ZNF469: variants seen among roughly 807,000 people sequenced by gnomAD.
ZNF469 encodes the protein zinc finger protein 469.
ZNF469 carries 1 observed loss-of-function variant against 1.0 expected under a neutral mutation model. That is an observed-to-expected ratio of 1.00 (90% CI 0.35 to 4.73). The LOEUF (loss-of-function observed/expected upper bound fraction) is 4.73. ZNF469 is among the 30% of genes most tolerant of loss of function. ZNF469 has a pLI of 0.16. For missense variants in ZNF469, 6,100 were observed against 5,356.3 expected, an observed-to-expected ratio of 1.14 and a Z score of -4.33; for synonymous variants, 2,703 against 2,363.4, an observed-to-expected ratio of 1.14 and a Z score of -4.17.
At chr16:88,204,220 G>A in the ZNF469 span, among the ~76,000 whole-genome samples, 5 of 151,640 alleles carry the variant, frequency 3.3e-5, no homozygotes, top group African/African-American at 1.2e-4. Context: ...GAAGCGGGAG[G>A]CGCCCCGTAA....
chr16:88,140,431 G>T, the ZNF469 span, among the ~76,000 whole-genome samples: 1 of 144,566 alleles, frequency 6.9e-6, no homozygotes, highest in African/African-American at 2.6e-5. Flanking sequence ...TAGCACGGAG[G>T]AAAGGAGGAC....
In ZNF469 at chr16:88,436,457, C is replaced by T; in HGVS notation, c.8987C>T (p.Ala2996Val). The T allele has an allele frequency of 6.5e-7, 1 of 1,547,316 alleles. No individual in the cohort carries two copies. Among genetic ancestry groups the T allele is most frequent in the Non-Finnish European group, 8.7e-7 (1 of 1,146,958 alleles). The change falls in exon 3 of 3, where the codon GCT becomes GTT. Residue 2996 changes from alanine (A) to valine (V), a missense_variant. By Grantham distance (64) the Ala-to-Val change is moderately conservative. Transcript: ENST00000565624. ...CCTGAGCTGCACATGGTCCCAGCGG[C>T]TTGGCGAGGCCTGGAGATGCCGGCC... ...AIPELHMVPA[A>V]WRGLEMPAPA...
At chr16:88,233,995 A>G in the ZNF469 span, among the ~76,000 whole-genome samples, 1 of 152,194 alleles carries the variant, frequency 6.6e-6, no homozygotes, top group Non-Finnish European at 1.5e-5. Flanking sequence ...TTTGCTGTTT[A>G]AGTGCTTTTT....
At chr16:88,406,441 C>T (rs1002880018) in intron 1 of ZNF469, among the ~76,000 whole-genome samples, 8 of 152,258 alleles carry the variant, frequency 5.3e-5, no homozygotes, top group African/African-American at 1.9e-4. Context: ...TCCTGTCCTC[C>T]TCCCTGCCGT....
chr16:88,187,649 G>A, the ZNF469 span, among the ~76,000 whole-genome samples: 1 of 151,616 alleles, frequency 6.6e-6, no homozygotes, highest in Non-Finnish European at 1.5e-5. Context: ...AGAAACGCTG[G>A]AAGAATCCCA....
chr16:88,160,578 C>T, the ZNF469 span, among the ~76,000 whole-genome samples: 3 of 152,148 alleles, frequency 2.0e-5, no homozygotes, highest in African/African-American at 7.2e-5. Context: ...AGCCACCAGC[C>T]CTTTCGCTTT....
At chr16:88,205,632 C>T in the ZNF469 span, among the ~76,000 whole-genome samples, 3 of 152,168 alleles carry the variant, frequency 2.0e-5, no homozygotes, top group Non-Finnish European at 2.9e-5. This position sits in a 1 kb window ranked among gnomAD's most constrained non-coding sequence, Gnocchi z 4.2. Flanking sequence ...TGGGGCTCGT[C>T]CGGCGGTAAC....
the ZNF469 span, among the ~76,000 whole-genome samples, chr16:88,214,253 G>A: frequency 3.9e-5 from 6 of 152,338 alleles, no homozygotes; most frequent in African/African-American, 1.4e-4. Context: ...ACGCCCAGGG[G>A]TTTTCCGGTG....
At chr16:88,149,535 G>A in the ZNF469 span, among the ~76,000 whole-genome samples, 9 of 152,136 alleles carry the variant, frequency 5.9e-5, no homozygotes, top group South Asian at 6.2e-4. Flanking sequence ...CCTTTGCAGC[G>A]CTGTGGCTTG....
the ZNF469 span, chr16:88,178,159 T>G: frequency 6.6e-6 from 1 of 152,210 alleles, no homozygotes; most frequent in African/African-American, 2.4e-5. Flanking sequence ...GGCCATGGCC[T>G]GCCTGCTGTC....
At chr16:88,111,802 A>G in the ZNF469 span, among the ~76,000 whole-genome samples, 1 of 151,740 alleles carries the variant, frequency 6.6e-6, no homozygotes, top group African/African-American at 2.4e-5. Flanking sequence ...ACACCCAGCT[A>G]ATTTCTGTAT....
the ZNF469 span, among the ~76,000 whole-genome samples, chr16:88,303,678 T>A: frequency 6.6e-6 from 1 of 152,198 alleles, no homozygotes; most frequent in Non-Finnish European, 1.5e-5. Flanking sequence ...CTTCCTACCT[T>A]GTCCTCCCAG....
In ZNF469 at chr16:88,428,554, C is replaced by T. The variant is rs554839262; in HGVS notation, c.1084C>T (p.His362Tyr). Residue 362 changes from histidine to tyrosine, a missense_variant, in exon 3 of 3, where the codon CAC becomes TAC. His to Tyr is a moderately conservative substitution (Grantham distance 83, BLOSUM62 2). Coordinates refer to ENST00000565624, the MANE Select transcript of ZNF469 (RefSeq NM_001367624.2). The stretch of plus-strand genomic sequence containing the variant: ...TGCCCTCTCTTCCCCTGGAGCTGCT[C>T]ACTCGGCCCCGAGACCCTTCTCTGA... ...SGALSSPGAA[H>Y]SAPRPFSDSL... The T allele has an allele frequency of 4.5e-6, 7 of 1,550,164 alleles. No individual in the cohort carries two copies. In the Admixed American group the frequency reaches 5.9e-5, roughly 13 times the overall value.
the ZNF469 span, among the ~76,000 whole-genome samples, chr16:88,210,446 G>C: frequency 6.6e-6 from 1 of 152,170 alleles, no homozygotes; most frequent in Non-Finnish European, 1.5e-5. Context: ...ATGTTGAAAA[G>C]TGGTTCTGTT....
the ZNF469 span, among the ~76,000 whole-genome samples, chr16:88,118,006 G>A: frequency 6.6e-6 from 1 of 152,198 alleles, no homozygotes; most frequent in Non-Finnish European, 1.5e-5. Context: ...GCAGTGGCAC[G>A]ATCTCATCTC....
chr16:88,201,508 T>C, the ZNF469 span, among the ~76,000 whole-genome samples: 2 of 152,032 alleles, frequency 1.3e-5, no homozygotes, highest in Admixed American at 6.5e-5. The surrounding 1 kb of genome is among the most constrained non-coding windows in gnomAD (Gnocchi z 5.0). Flanking sequence ...TGAGCCGAGA[T>C]TGTGCCACTG....
chr16:88,143,578 G>T, the ZNF469 span, among the ~76,000 whole-genome samples: 2 of 145,454 alleles, frequency 1.4e-5, no homozygotes, highest in Non-Finnish European at 2.9e-5. Flanking sequence ...CCCTGCAGCA[G>T]GAGAAGAAAG....
chr16:88,331,529 A>C, the ZNF469 span, among the ~76,000 whole-genome samples: 2 of 149,618 alleles, frequency 1.3e-5, no homozygotes, highest in Non-Finnish European at 3.0e-5. Context: ...CATCACTACC[A>C]TCACTATCAT....
the ZNF469 span, among the ~76,000 whole-genome samples, chr16:88,138,908 T>C: frequency 6.6e-6 from 1 of 152,230 alleles, no homozygotes; most frequent in African/African-American, 2.4e-5. Context: ...AGCACAGCTA[T>C]TCGGCTATTC....
Sources: allele counts gnomAD v4.1 joint callset (sites outside exome capture counted in the v4.1 genomes callset), GRCh38; gene constraint gnomAD v4.1.1; non-coding constraint Gnocchi (gnomAD v3.1); transcripts MANE v1.5; gene names NCBI Gene and HGNC (gene_info 2026-07-23, HGNC 2026-07-21).